SNRPD1: variants seen among roughly 807,000 people sequenced by gnomAD.
SNRPD1 encodes small nuclear ribonucleoprotein D1 polypeptide, also known as small nuclear ribonucleoprotein Sm D1.
SNRPD1 carries 1 observed loss-of-function variant against 14.4 expected under a neutral mutation model. That is an observed-to-expected ratio of 0.07 (90% CI 0.02 to 0.33). The LOEUF (loss-of-function observed/expected upper bound fraction) is 0.33. Ranked by LOEUF, SNRPD1 falls within the 10% of genes least tolerant of loss-of-function variation. The probability of loss-of-function intolerance (pLI) is 1.00; values close to 1 mark genes in which losing one functional copy is unlikely to be tolerated. For synonymous variants in SNRPD1, 42 were observed against 50.3 expected, an observed-to-expected ratio of 0.83 and a Z score of 0.70; for missense variants, 52 against 146.4, an observed-to-expected ratio of 0.36 and a Z score of 3.33.
In SNRPD1 at chr18:21,631,255, G is replaced by T. The variant is rs932156210; in HGVS notation, c.*2117G>T. ...AGAGATTATTGTGCCTCAGCCTCCA[G>T]AGTAGCTGGGATTATAAGCGTGCGC... On this transcript the variant is annotated 3_prime_UTR_variant, in exon 4 of 4. Coordinates refer to ENST00000300413, the MANE Select transcript of SNRPD1 (RefSeq NM_006938.4). The T allele has an allele frequency of 6.6e-6, 1 of 151,710 alleles. No homozygotes were observed. Among genetic ancestry groups the T allele is most frequent in the Non-Finnish European group, 1.5e-5 (1 of 67,998 alleles). 9.4% of individuals were successfully genotyped at this position (151,710 alleles called of 1,614,324 possible).
intron 3 of SNRPD1, among the ~76,000 whole-genome samples, chr18:21,627,732 C>T (rs2039051597): frequency 1.3e-5 from 2 of 152,082 alleles, no homozygotes; most frequent in Non-Finnish European, 2.9e-5. Flanking sequence ...AATTCCCATA[C>T]ACTTTTCACC....
At chr18:21,628,694 A>T (rs896548213) in intron 3 of SNRPD1, among the ~76,000 whole-genome samples, 2 of 152,190 alleles carry the variant, frequency 1.3e-5, no homozygotes, top group African/African-American at 4.8e-5. Context: ...CAAGGTGATC[A>T]TGTTTTATTC....
At position 21,629,955 on chromosome 18, in the gene SNRPD1, A is replaced by T. The variant is rs978526869; in HGVS notation, c.*817A>T. On this transcript the variant is annotated 3_prime_UTR_variant, in exon 4 of 4. Transcript: ENST00000300413. ...AATTGATTCTCCTTTCCTGAGTTTT[A>T]CTCCACGGAGTCTTAGGTACCTGGT... 5 of 152,000 alleles carry T rather than the reference A, an allele frequency of 3.3e-5. No homozygotes were observed. The highest frequency in any genetic ancestry group is 1.2e-4 in the African/African-American group (5 of 41,396). The allele number at this position is 152,000 out of a possible 1,614,324, so 9.4% of individuals were successfully genotyped here.
chr18:21,632,858 T>TTC lies in SNRPD1; in HGVS notation c.*3721_*3722insCT. 7.6e-6 allele frequency: 1 copy of TTC among 132,050 alleles called. No individual in the cohort carries two copies. Among genetic ancestry groups the TTC allele is most frequent in the Non-Finnish European group, 1.7e-5 (1 of 58,076 alleles). The allele number at this position is 132,050 out of a possible 1,614,324, so 8.2% of individuals were successfully genotyped here. Reference sequence around the variant, plus strand: ...TTCTTTTCTTTTCTTTTCTTTTCTTTTTTTTTTTTTGAGACAGAGTCTAGC... The same window carrying TTC: ...TTCTTTTCTTTTCTTTTCTTTTCTTTTCTTTTTTTTTTGAGACAGAGTCTAGC... On this transcript the variant is annotated 3_prime_UTR_variant, in exon 4 of 4. Coordinates refer to ENST00000300413, the MANE Select transcript of SNRPD1 (RefSeq NM_006938.4).
intron 3 of SNRPD1, among the ~76,000 whole-genome samples, chr18:21,627,143 C>T (rs1380415855): frequency 2.6e-5 from 4 of 152,048 alleles, no homozygotes; most frequent in African/African-American, 9.7e-5. Context: ...GTGGTGGGCG[C>T]CTGCAGTCCC....
intron 1 of SNRPD1, among the ~76,000 whole-genome samples, chr18:21,622,296 T>C (rs1397753120): frequency 2.0e-5 from 3 of 152,182 alleles, no homozygotes; most frequent in East Asian, 3.9e-4. Context: ...CCCGCCACCA[T>C]GCCCAGCTAA....
chr18:21,614,965 CTTCT>C (rs1476196591), intron 1 of SNRPD1, among the ~76,000 whole-genome samples: 2 of 152,052 alleles, frequency 1.3e-5, no homozygotes, highest in Admixed American at 6.6e-5. Context: ...TTTTGTTTTC[CTTCT>C]TTAAGGTAAA....
intron 1 of SNRPD1, among the ~76,000 whole-genome samples, chr18:21,617,851 C>T (rs1275259307): frequency 6.6e-6 from 1 of 151,986 alleles, no homozygotes; most frequent in Admixed American, 6.6e-5. Flanking sequence ...TGGTGGCATG[C>T]GCCTGTAGTC....
intron 3 of SNRPD1, among the ~76,000 whole-genome samples, 176 bp downstream of exon 3, chr18:21,624,115 T>G (rs999889303): frequency 2.0e-5 from 3 of 152,232 alleles, no homozygotes; most frequent in African/African-American, 7.2e-5. Context: ...ACGCAGTGGC[T>G]CACGCCTATA....
In SNRPD1 at chr18:21,632,485, G is replaced by C. The variant is rs889689002; in HGVS notation, c.*3347G>C. ...AAAAAAAAAAAAATTTGTTTTGAGA[G>C]TTTTTGTGTCTAGGATGTTTGCAGT... On this transcript the variant is annotated 3_prime_UTR_variant, in exon 4 of 4. Transcript: ENST00000300413. The C allele has an allele frequency of 6.6e-6, 1 of 151,898 alleles. No homozygotes were observed. Among genetic ancestry groups the C allele is most frequent in the South Asian group, 2.1e-4 (1 of 4,812 alleles). 9.4% of individuals were successfully genotyped at this position (151,898 alleles called of 1,614,324 possible).
At chr18:21,618,530 A>ATAG (rs1282025200) in intron 1 of SNRPD1, among the ~76,000 whole-genome samples, 1 of 151,780 alleles carries the variant, frequency 6.6e-6, no homozygotes, top group Non-Finnish European at 1.5e-5. Flanking sequence ...ACTAACTGGG[A>ATAG]TAGTAAATTC....
chr18:21,628,498 A>T (rs1324248628), intron 3 of SNRPD1, among the ~76,000 whole-genome samples: 1 of 152,232 alleles, frequency 6.6e-6, no homozygotes, highest in South Asian at 2.1e-4. Context: ...CATGATACTC[A>T]ACTAGAGTTA....
intron 3 of SNRPD1, 121 bp from the exon 4 acceptor site, chr18:21,628,941 C>T (rs1485203183): frequency 5.2e-6 from 4 of 762,630 alleles, no homozygotes; most frequent in African/African-American, 1.7e-5. Flanking sequence ...ACTTTATTTA[C>T]TGTAGCTACT....
intron 3 of SNRPD1, 116 bp downstream of exon 3, chr18:21,624,055 A>T (rs762189476): frequency 1.5e-6 from 1 of 666,068 alleles, no homozygotes; most frequent in Non-Finnish European, 2.6e-6. Context: ...TATTTCCTAT[A>T]GTATGTATAG....
At chr18:21,617,246 A>G (rs750092002) in intron 1 of SNRPD1, among the ~76,000 whole-genome samples, 7 of 152,034 alleles carry the variant, frequency 4.6e-5, no homozygotes, top group South Asian at 2.1e-4. Flanking sequence ...ACCTGAGGTC[A>G]GGAGTTCGAG....
chr18:21,617,619 TC>T (rs2038966943), intron 1 of SNRPD1, among the ~76,000 whole-genome samples: 1 of 152,222 alleles, frequency 6.6e-6, no homozygotes, highest in Non-Finnish European at 1.5e-5. Flanking sequence ...TCAGTAGCTC[TC>T]CTAGAGGAAT....
rs1030193610 is a variant in SNRPD1, at chr18:21,623,088, G to T, written c.91+287G>T. On this transcript the variant is annotated intron_variant, in intron 2 of 3. Coordinates refer to ENST00000300413, the MANE Select transcript of SNRPD1 (RefSeq NM_006938.4). ...ACTACAGGTGCCTGCCACCATGCCC[G>T]GGTAAATTTTTTTTTTAGACGGATT... Among the ~76,000 whole-genome samples the T allele has an allele frequency of 2.0e-5, 3 of 151,126 alleles. No individual in the cohort carries two copies. The Admixed American group carries it at 2.0e-4, about 10-fold the overall frequency.
chr18:21,630,300 T>A lies in SNRPD1; in HGVS notation c.*1162T>A, dbSNP rs2039071900. The A allele has an allele frequency of 6.6e-6, 1 of 152,188 alleles. No homozygotes were observed. The highest frequency in any genetic ancestry group is 2.1e-4 in the South Asian group (1 of 4,836). 9.4% of individuals were successfully genotyped at this position (152,188 alleles called of 1,614,324 possible). Reference sequence around the variant, plus strand: ...AAAAATTGTTTTTGATTTGCTAAGCTCAGAAAAAATGTCTCTCAGTGCATC... The same window carrying A: ...AAAAATTGTTTTTGATTTGCTAAGCACAGAAAAAATGTCTCTCAGTGCATC... On this transcript the variant is annotated 3_prime_UTR_variant, in exon 4 of 4. Coordinates refer to ENST00000300413, the MANE Select transcript of SNRPD1 (RefSeq NM_006938.4).
At chr18:21,627,926 T>C (rs545541688) in intron 3 of SNRPD1, among the ~76,000 whole-genome samples, 25 of 152,324 alleles carry the variant, frequency 1.6e-4, no homozygotes, top group African/African-American at 6.0e-4. Context: ...GTTTCCTTAG[T>C]TTCCTTTAAT....
Sources: allele counts gnomAD v4.1 joint callset (sites outside exome capture counted in the v4.1 genomes callset), GRCh38; gene constraint gnomAD v4.1.1; transcripts MANE v1.5; gene names NCBI Gene and HGNC (gene_info 2026-07-23, HGNC 2026-07-21).